Variants in PHLDB1 observed in about 807,000 individuals in gnomAD.
PHLDB1 encodes pleckstrin homology like domain family B member 1.
A neutral mutation model predicts 139.3 loss-of-function variants in PHLDB1; 65 were observed. The ratio of observed to expected loss-of-function variants is 0.47; its 90% CI spans 0.38 to 0.57. PHLDB1 has a LOEUF of 0.57. Among genes scored for constraint, PHLDB1 ranks in the 20% least tolerant of loss-of-function variants. The pLI, the probability that PHLDB1 is intolerant of heterozygous loss-of-function variation, is 0.00. For missense variants in PHLDB1, 1,624 were observed against 1,839.7 expected (o/e 0.88, Z 2.14); for synonymous variants, 679 against 734.5 (o/e 0.92, Z 1.22).
chr11:118,643,375 A>T, intron 13 of PHLDB1: 1 of 235,578 alleles, frequency 4.2e-6, no homozygotes, highest in Non-Finnish European at 6.9e-6. Context: ...GCCATTATTT[A>T]GTCTAGTCCT....
At position 118,620,105 on chromosome 11, in the gene PHLDB1, T is replaced by C. The variant is rs1227014786; in HGVS notation, c.355+3894T>C. Among the ~76,000 whole-genome samples, 1 of 152,178 alleles carries C rather than the reference T, an allele frequency of 6.6e-6. No homozygotes were observed. The highest frequency in any genetic ancestry group is 1.5e-5 in the Non-Finnish European group (1 of 68,032). ...CAGGCTGTGTGAGCTGCTGAGAGCA[T>C]AAAACATTGTGTCCCGTAAGGCTCT... On this transcript the variant is annotated intron_variant, in intron 4 of 22. Coordinates refer to ENST00000600882, the MANE Select transcript of PHLDB1 (RefSeq NM_001144758.3). The surrounding 1 kb of genome is among the most constrained non-coding windows in gnomAD (Gnocchi z 4.1).
rs1948939177 is a variant in PHLDB1 at position 118,655,647 on chromosome 11, C to T, written c.3917C>T (p.Ala1306Val). Residue 1306 changes from alanine (A) to valine (V), a missense_variant, in exon 21 of 23, where the codon GCC (alanine) becomes GTC (valine). Ala to Val is a moderately conservative substitution (Grantham distance 64). Transcript: ENST00000600882. Reference sequence around the variant, plus strand: ...CTGAAGGGAGTCATCTATTTCCAGGCCATTGAGGAAGTGTACTACGACCAC... The same window carrying T: ...CTGAAGGGAGTCATCTATTTCCAGGTCATTGAGGAAGTGTACTACGACCAC... ...TKLKGVIYFQ[A>V]IEEVYYDHLR... 1 of 1,613,460 alleles carries T rather than the reference C, an allele frequency of 6.2e-7. No individual in the cohort carries two copies.
rs924612982 is a variant in PHLDB1, at chr11:118,616,188, G to A, written c.332G>A (p.Arg111Gln). Residue 111 changes from arginine to glutamine, a missense_variant, in exon 4 of 23, where the codon CGG becomes CAG. Coordinates refer to ENST00000600882, the MANE Select transcript of PHLDB1 (RefSeq NM_001144758.3). ...NACTIDGLPV[R>Q]QPTRLTQGCM... Reference sequence around the variant, plus strand: ...TGCACTATTGATGGGCTCCCTGTCCGGCAGCCTACCCGGCTCACTCAGGGT... The same window carrying A: ...TGCACTATTGATGGGCTCCCTGTCCAGCAGCCTACCCGGCTCACTCAGGGT... 5.0e-6 allele frequency: 8 copies of A among 1,613,966 alleles called. No individual in the cohort carries two copies. Among genetic ancestry groups the A allele is most frequent in the East Asian group, 4.5e-5 (2 of 44,882 alleles).
intron 12 of PHLDB1, chr11:118,641,877 C>T (rs1946584798): frequency 6.6e-6 from 7 of 1,054,732 alleles, no homozygotes; most frequent in South Asian, 3.0e-5. Flanking sequence ...TGGCTCTGGG[C>T]CAGCCCAAGG....
In PHLDB1 at chr11:118,645,721, C is replaced by T; in HGVS notation, c.3417-14C>T. On this transcript the variant is annotated splice_polypyrimidine_tract_variant and intron_variant, in intron 16 of 22. Transcript: ENST00000600882. This position sits in a 1 kb window ranked among gnomAD's most constrained non-coding sequence, Gnocchi z 5.1. The stretch of plus-strand genomic sequence containing the variant: ...AGCTCCTTGATGCACTTCCTCTTCC[C>T]CTTCTCTCCCCAGCGCGAGTGGTCT... 1 of 1,612,410 alleles carries T rather than the reference C, an allele frequency of 6.2e-7. No homozygotes were observed. The highest frequency in any genetic ancestry group is 1.1e-5 in the South Asian group (1 of 91,054).
chr11:118,631,454 G>A lies in PHLDB1; in HGVS notation c.2075G>A (p.Ser692Asn). 1 of 1,436,402 alleles carries A rather than the reference G, an allele frequency of 7.0e-7. No homozygotes were observed. Among genetic ancestry groups the A allele is most frequent in the East Asian group, 2.6e-5 (1 of 38,770 alleles). The allele number at this position is 1,436,402 out of a possible 1,614,324, so 89.0% of individuals were successfully genotyped here. A position where few individuals can be genotyped will look rare whatever the true frequency, so the allele number is the denominator to read the frequency against. ...GAGGAAAATCTCAAGGAGGAGTGCA[G>A]CAGCACTGAGAGCACCCAGCAGGAG... is the stretch of plus-strand genomic sequence containing the variant. ...SDEENLKEEC[S>N]STESTQQEHE... The change falls in exon 7 of 23, where the codon AGC (serine) becomes AAC (asparagine). Residue 692 changes from serine to asparagine, a missense_variant. By Grantham distance (46) the Ser-to-Asn change is conservative. Transcript: ENST00000600882.
intron 3 of PHLDB1, chr11:118,615,745 C>T: frequency 2.9e-6 from 1 of 346,254 alleles, no homozygotes; most frequent in Admixed American, 4.5e-5. Context: ...AAGGGAAGAT[C>T]TGCAGAAAAG....
Position 118,632,522 on chromosome 11 carries a change from G to A in PHLDB1, c.2379+226G>A. On this transcript the variant is annotated intron_variant, in intron 9 of 22. Transcript: ENST00000600882. The surrounding 1 kb of genome is among the most constrained non-coding windows in gnomAD (Gnocchi z 5.9). Reference sequence around the variant, plus strand: ...GGTGTCTGGGGTCTCCTCTGTCTGGGTCTGTGTGCTACCTCTGGGTGCCTG... The same window carrying A: ...GGTGTCTGGGGTCTCCTCTGTCTGGATCTGTGTGCTACCTCTGGGTGCCTG... 3.4e-6 allele frequency: 2 copies of A among 589,552 alleles called. No individual in the cohort carries two copies. The highest frequency in any genetic ancestry group is 2.1e-5 in the South Asian group (1 of 47,808). 36.5% of individuals were successfully genotyped at this position (589,552 alleles called of 1,614,324 possible). A position where few individuals can be genotyped will look rare whatever the true frequency, so the allele number is the denominator to read the frequency against.
intron 15 of PHLDB1, chr11:118,644,990 C>T: frequency 3.2e-6 from 1 of 309,946 alleles, no homozygotes; most frequent in Non-Finnish European, 6.0e-6. Flanking sequence ...TCTCCCTTCT[C>T]CAGCAGGCAG....
At chr11:118,635,201 G>A (rs1445321724) in intron 9 of PHLDB1, 192 bp from the exon 10 acceptor site, 1 of 670,484 alleles carries the variant, frequency 1.5e-6, no homozygotes, top group Non-Finnish European at 2.6e-6. Flanking sequence ...GGAAGGTTGG[G>A]GAATCAGCGC....
intron 12 of PHLDB1, chr11:118,641,661 G>T: frequency 7.8e-7 from 1 of 1,288,630 alleles, no homozygotes; most frequent in Non-Finnish European, 1.0e-6. Context: ...CCTCGCCCAT[G>T]CCCCCAGCCC....
intron 4 of PHLDB1, 110 bp downstream of exon 4, chr11:118,616,321 A>G: frequency 1.1e-6 from 1 of 919,250 alleles, no homozygotes; most frequent in Admixed American, 2.2e-5. Context: ...CTGAGTGACC[A>G]TACTGGGAAT....
At position 118,628,388 on chromosome 11, in the gene PHLDB1, C is replaced by T. The variant is rs1944232318; in HGVS notation, c.1565C>T (p.Thr522Ile). Residue 522 changes from threonine to isoleucine, a missense_variant, in exon 6 of 23, where the codon ACA becomes ATA. Transcript: ENST00000600882. ...CGTAGGACACGGAGCCCCTCACCCACACTGGGTGAGTCTCTGGCACCCCAC... is the reference window on the plus strand; with the variant it reads ...CGTAGGACACGGAGCCCCTCACCCATACTGGGTGAGTCTCTGGCACCCCAC... ...RGRRTRSPSP[T>I]LGESLAPHKG... 1.2e-6 allele frequency: 2 copies of T among 1,610,770 alleles called. No homozygotes were observed. The highest frequency in any genetic ancestry group is 1.7e-6 in the Non-Finnish European group (2 of 1,178,756).
chr11:118,628,363 C>G lies in PHLDB1; in HGVS notation c.1540C>G (p.Arg514Gly). Residue 514 changes from arginine to glycine, a missense_variant, in exon 6 of 23, where the codon CGT (arginine) becomes GGT (glycine). Physicochemically the swap from Arg to Gly is moderately radical, Grantham distance 125. Coordinates refer to ENST00000600882, the MANE Select transcript of PHLDB1 (RefSeq NM_001144758.3). ...CTCCCTGACGCTGGGGGCACGGGGC[C>G]GTAGGACACGGAGCCCCTCACCCAC... Reference protein sequence around the residue: ...DFSLTLGARGRRTRSPSPTLG... With the variant: ...DFSLTLGARGGRTRSPSPTLG... 6.2e-7 allele frequency: 1 copy of G among 1,611,470 alleles called. No individual in the cohort carries two copies. Among genetic ancestry groups the G allele is most frequent in the Non-Finnish European group, 8.5e-7 (1 of 1,178,996 alleles).
Position 118,656,730 on chromosome 11 carries a change from G to A in PHLDB1, c.4041G>A (p.Leu1347=). The A allele has an allele frequency of 1.2e-6, 2 of 1,614,012 alleles. No homozygotes were observed. The highest frequency in any genetic ancestry group is 4.5e-5 in the East Asian group (2 of 44,882). The change falls in exon 23 of 23, where the codon CTG becomes CTA. Residue 1347 remains leucine, a synonymous_variant. Transcript: ENST00000600882. ...LTFCVKTHDR[L]YYMVAPSAEA... is the part of the protein sequence containing the mutation. ...TCTGCGTAAAGACCCATGACCGGCT[G>A]TACTACATGGTGGCCCCATCTGCAG...
chr11:118,643,541 A>T (rs1362878220), intron 13 of PHLDB1: 4 of 985,218 alleles, frequency 4.1e-6, no homozygotes, highest in African/African-American at 1.7e-5. Flanking sequence ...AAATCCTTGC[A>T]TGGGTCTGTT....
At chr11:118,612,637 C>G (rs934272669) in intron 1 of PHLDB1, among the ~76,000 whole-genome samples, 8 of 152,194 alleles carry the variant, frequency 5.3e-5, no homozygotes, top group Non-Finnish European at 5.9e-5. Flanking sequence ...ATGATGCAGT[C>G]CAGGTCCGGA....
chr11:118,639,125 C>A, intron 11 of PHLDB1, 37 bp from the exon 12 acceptor site: 4 of 1,599,988 alleles, frequency 2.5e-6, no homozygotes, highest in Non-Finnish European at 3.4e-6. Context: ...TCTCCTGGCT[C>A]CCACTCCTCT....
At chr11:118,613,209 G>C in intron 1 of PHLDB1, 1 of 834,892 alleles carries the variant, frequency 1.2e-6, no homozygotes, top group African/African-American at 1.8e-5. Flanking sequence ...GGTTGAGGTT[G>C]CTTTCTGGGG....
Sources: allele counts gnomAD v4.1 joint callset (sites outside exome capture counted in the v4.1 genomes callset), GRCh38; gene constraint gnomAD v4.1.1; non-coding constraint Gnocchi (gnomAD v3.1); transcripts MANE v1.5; gene names NCBI Gene and HGNC (gene_info 2026-07-23, HGNC 2026-07-21).